Variants in HSPA4 observed in about 807,000 individuals in gnomAD.
HSPA4 encodes the protein heat shock 70 kDa protein 4.
A neutral mutation model predicts 106.2 loss-of-function variants in HSPA4; 25 were observed. The ratio of observed to expected loss-of-function variants is 0.24; its 90% CI spans 0.17 to 0.33. The LOEUF is 0.33. Among genes scored for constraint, HSPA4 ranks in the 10% least tolerant of loss-of-function variants. The pLI is 1.00. For synonymous variants in HSPA4, 332 were observed against 333.6 expected, an observed-to-expected ratio of 1.00 and a Z score of 0.05; for missense variants, 841 against 996.0, an observed-to-expected ratio of 0.84 and a Z score of 2.10.
At chr5:133,056,415 G>A (rs1001266829) in intron 1 of HSPA4, among the ~76,000 whole-genome samples, 1 of 152,118 alleles carries the variant, frequency 6.6e-6, no homozygotes, top group Non-Finnish European at 1.5e-5. Flanking sequence ...GCATTGTTGC[G>A]GTCATGTGCA....
At chr5:133,057,360 CTT>C (rs74273264) in intron 1 of HSPA4, among the ~76,000 whole-genome samples, 24 of 139,388 alleles carry the variant, frequency 1.7e-4, no homozygotes, top group Non-Finnish European at 9.4e-5. Context: ...TTCTGCGTAC[CTT>C]TTTTTTTTTT....
In HSPA4 at chr5:133,097,285, A is replaced by G; in HGVS notation, c.1928A>G (p.Asp643Gly). 6.2e-7 allele frequency: 1 copy of G among 1,612,350 alleles called. No individual in the cohort carries two copies. The highest frequency in any genetic ancestry group is 8.5e-7 in the Non-Finnish European group (1 of 1,178,786). The stretch of plus-strand genomic sequence containing the variant: ...GAATATGAGAAGTTTGTGAGTGAAG[A>G]TGTAAGTCTGCCACAATATGCCTAA... ...SGEYEKFVSE[D>G]DRNSFTLKLE... The change falls in exon 15 of 19, where the codon GAT (aspartate) becomes GGT (glycine). Residue 643 changes from aspartate (D) to glycine (G), a missense_variant and splice_region_variant. Physicochemically the swap from Asp to Gly is moderately conservative, Grantham distance 94. Coordinates refer to ENST00000304858, the MANE Select transcript of HSPA4 (RefSeq NM_002154.4).
intron 12 of HSPA4, among the ~76,000 whole-genome samples, chr5:133,092,323 AC>A (rs2126712576): frequency 1.3e-5 from 2 of 152,304 alleles, no homozygotes; most frequent in African/African-American, 4.8e-5. Flanking sequence ...AAAAGTTGGA[AC>A]TTTTGAGAGA....
At chr5:133,085,883 T>C (rs1765573165) in intron 7 of HSPA4, among the ~76,000 whole-genome samples, 1 of 152,138 alleles carries the variant, frequency 6.6e-6, no homozygotes, top group South Asian at 2.1e-4. Flanking sequence ...AAAACACTAA[T>C]AGGAACTATC....
At chr5:133,091,449 T>A in intron 12 of HSPA4, 75 bp downstream of exon 12, 2 of 1,162,680 alleles carry the variant, frequency 1.7e-6, no homozygotes, top group Non-Finnish European at 2.5e-6. Context: ...GCAGACTTGG[T>A]GGCAAGGCCG....
intron 11 of HSPA4, 122 bp downstream of exon 11, chr5:133,089,817 C>T: frequency 3.0e-6 from 2 of 657,718 alleles, no homozygotes; most frequent in Non-Finnish European, 4.8e-6. Context: ...AGTTCGAGAT[C>T]AGCCTGGGCA....
At chr5:133,088,353 T>A (rs1373288956) in intron 8 of HSPA4, 51 bp from the exon 9 acceptor site, 1 of 1,304,240 alleles carries the variant, frequency 7.7e-7, no homozygotes. Flanking sequence ...TGGTAAGATG[T>A]TATTGTTCTT....
intron 4 of HSPA4, among the ~76,000 whole-genome samples, chr5:133,072,292 C>T (rs1765391313): frequency 6.6e-6 from 1 of 151,938 alleles, no homozygotes; most frequent in African/African-American, 2.4e-5. Context: ...CAGGCACAAG[C>T]TTCCCAGAGT....
intron 7 of HSPA4, among the ~76,000 whole-genome samples, chr5:133,086,575 C>CT (rs1441345644): frequency 1.3e-5 from 2 of 152,342 alleles, no homozygotes; most frequent in East Asian, 3.9e-4. Flanking sequence ...TGCTAACTCT[C>CT]TAACGTCTTG....
At chr5:133,071,963 G>T (rs1765387249) in intron 4 of HSPA4, among the ~76,000 whole-genome samples, 1 of 152,044 alleles carries the variant, frequency 6.6e-6, no homozygotes, top group African/African-American at 2.4e-5. Flanking sequence ...TCTTCCATTG[G>T]TCTCCCAGAT....
intron 5 of HSPA4, 55 bp downstream of exon 5, chr5:133,073,384 AT>A: frequency 8.4e-7 from 1 of 1,184,106 alleles, no homozygotes; most frequent in Non-Finnish European, 1.2e-6. Context: ...AGATTGTGAA[AT>A]TTTAAAACCC....
At position 133,076,834 on chromosome 5, in the gene HSPA4, T is replaced by G; in HGVS notation, c.844T>G (p.Ser282Ala). The stretch of plus-strand genomic sequence containing the variant: ...CAAGAAATTGATGAGTGCAAATGCT[T>G]CAGATCTCCCTTTGAGCATTGAATG... ...KLKKLMSANA[S>A]DLPLSIECFM... The change falls in exon 7 of 19, where the codon TCA becomes GCA. Residue 282 changes from serine (S) to alanine (A), a missense_variant. Coordinates refer to ENST00000304858, the MANE Select transcript of HSPA4 (RefSeq NM_002154.4). The G allele has an allele frequency of 6.2e-7, 1 of 1,611,618 alleles. No homozygotes were observed. Among genetic ancestry groups the G allele is most frequent in the Non-Finnish European group, 8.5e-7 (1 of 1,177,770 alleles).
At chr5:133,061,381 C>G (rs1286302597) in intron 1 of HSPA4, among the ~76,000 whole-genome samples, 2 of 152,126 alleles carry the variant, frequency 1.3e-5, no homozygotes, top group East Asian at 1.9e-4. Context: ...CTTGGCCTCC[C>G]AAAGTGCTGG....
At chr5:133,095,712 A>G (rs1236890315) in intron 13 of HSPA4, among the ~76,000 whole-genome samples, 1 of 152,196 alleles carries the variant, frequency 6.6e-6, no homozygotes, top group Non-Finnish European at 1.5e-5. Flanking sequence ...GGAGATATGT[A>G]TTTTATAAAA....
intron 1 of HSPA4, among the ~76,000 whole-genome samples, chr5:133,061,109 A>T (rs1176595712): frequency 6.6e-6 from 1 of 151,116 alleles, no homozygotes; most frequent in Non-Finnish European, 1.5e-5. Context: ...TGCAGTGCAT[A>T]CATGTGTTTT....
chr5:133,103,930 A>G lies in HSPA4; in HGVS notation c.2223A>G (p.Ala741=), dbSNP rs756898984. The G allele has an allele frequency of 6.2e-7, 1 of 1,614,016 alleles. No individual in the cohort carries two copies. Among genetic ancestry groups the G allele is most frequent in the East Asian group, 2.2e-5 (1 of 44,874 alleles). Residue 741 remains alanine (A), a synonymous_variant, in exon 18 of 19, where the codon GCA becomes GCG. Coordinates refer to ENST00000304858, the MANE Select transcript of HSPA4 (RefSeq NM_002154.4). The part of the protein sequence containing the change: ...MTKVEKSTNE[A]MEWMNNKLNL... Reference sequence around the variant, plus strand: ...AGGTAGAAAAAAGCACAAATGAAGCAATGGAGTGGATGAATAACAAGCTAA... The same window carrying G: ...AGGTAGAAAAAAGCACAAATGAAGCGATGGAGTGGATGAATAACAAGCTAA...
intron 11 of HSPA4, 190 bp from the exon 12 acceptor site, chr5:133,091,001 AAG>A: frequency 1.5e-6 from 1 of 679,162 alleles, no homozygotes; most frequent in South Asian, 1.5e-5. Context: ...ATAAGATAAT[AAG>A]AGACTGTGAA....
At position 133,104,327 on chromosome 5, in the gene HSPA4, C is replaced by A. The variant is rs1270905010; in HGVS notation, c.2414C>A (p.Pro805Gln). The A allele has an allele frequency of 6.2e-7, 1 of 1,613,976 alleles. No individual in the cohort carries two copies. The highest frequency in any genetic ancestry group is 8.5e-7 in the Non-Finnish European group (1 of 1,179,980). Residue 805 changes from proline to glutamine, a missense_variant, in exon 19 of 19, where the codon CCA (proline) becomes CAA (glutamine). By Grantham distance (76) the Pro-to-Gln change is moderately conservative. Transcript: ENST00000304858. Reference protein sequence around the residue: ...EEQKNAEQNGPVDGQGDNPGP... With the variant: ...EEQKNAEQNGQVDGQGDNPGP... Reference sequence around the variant, plus strand: ...CAAAAAAATGCAGAGCAGAATGGACCAGTGGATGGACAAGGAGACAACCCA... The same window carrying A: ...CAAAAAAATGCAGAGCAGAATGGACAAGTGGATGGACAAGGAGACAACCCA...
At position 133,067,478 on chromosome 5, in the gene HSPA4, C is replaced by G; in HGVS notation, c.227C>G (p.Ser76Cys). 6.2e-7 allele frequency: 1 copy of G among 1,613,698 alleles called. No homozygotes were observed. Among genetic ancestry groups the G allele is most frequent in the Non-Finnish European group, 8.5e-7 (1 of 1,179,586 alleles). Residue 76 changes from serine (S) to cysteine (C), a missense_variant, in exon 3 of 19, where the codon TCT becomes TGT. Ser to Cys is a moderately radical substitution (Grantham distance 112). Transcript: ENST00000304858. ...AAAAGATTCCATGGCCGAGCATTCTCTGATCCATTTGTGGAGGCAGAAAAA... is the reference window on the plus strand; with the variant it reads ...AAAAGATTCCATGGCCGAGCATTCTGTGATCCATTTGTGGAGGCAGAAAAA... ...GFKRFHGRAF[S>C]DPFVEAEKSN...
Sources: gnomAD v4.1 joint callset for allele counts (sites outside exome capture counted in the v4.1 genomes callset) on GRCh38, gnomAD v4.1.1 for gene constraint, MANE v1.5 for transcripts, NCBI Gene and HGNC (gene_info 2026-07-23, HGNC 2026-07-21) for gene names.